The following APPBP2 variants were observed in gnomAD, a reference collection of about 807,000 sequenced individuals.
The protein encoded by APPBP2 is amyloid beta precursor protein binding protein 2.
A neutral mutation model predicts 76.0 loss-of-function variants in APPBP2; 15 were observed. The observed-to-expected ratio is 0.20, with a 90% CI of 0.13 to 0.30. The LOEUF (loss-of-function observed/expected upper bound fraction) is 0.30. Ranked by LOEUF, APPBP2 falls within the 10% of genes least tolerant of loss-of-function variation. APPBP2 has a pLI of 1.00. For synonymous variants in APPBP2, 222 were observed against 242.2 expected, an observed-to-expected ratio of 0.92 and a Z score of 0.77; for missense variants, 401 against 687.2, an observed-to-expected ratio of 0.58 and a Z score of 4.66.
Position 60,466,382 on chromosome 17 carries a change from T to C in APPBP2, c.581A>G (p.Asp194Gly), listed in dbSNP as rs527990986. 3.5e-4 allele frequency: 562 copies of C among 1,614,012 alleles called. 4 individuals carry two copies. The South Asian group carries it at 6.0e-3, about 17-fold the overall frequency. Residue 194 changes from aspartate (D) to glycine (G), a missense_variant, in exon 5 of 13, where the codon GAT (aspartate) becomes GGT (glycine). Coordinates refer to ENST00000083182, the MANE Select transcript of APPBP2 (RefSeq NM_006380.5). The part of the protein sequence containing the change: ...ETFKLAQTYM[D>G]KLSKHGQQAN... ...TTGCTGGCCATGTTTTGATAGTTTA[T>C]CCATATATGTCTGAGCTAATTTAAA...
At chr17:60,486,654 C>T (rs912076366) in intron 3 of APPBP2, among the ~76,000 whole-genome samples, 1 of 152,130 alleles carries the variant, frequency 6.6e-6, no homozygotes, top group African/African-American at 2.4e-5. Flanking sequence ...TCCAGTTTGC[C>T]AGTCTGTGTC....
At chr17:60,521,270 G>T (rs1170948963) in intron 1 of APPBP2, among the ~76,000 whole-genome samples, 1 of 152,134 alleles carries the variant, frequency 6.6e-6, no homozygotes, top group African/African-American at 2.4e-5. Context: ...GAGCCAAAAA[G>T]TTCCTATTGC....
At chr17:60,497,241 G>C (rs2090783460) in intron 2 of APPBP2, among the ~76,000 whole-genome samples, 2 of 152,168 alleles carry the variant, frequency 1.3e-5, no homozygotes, top group African/African-American at 4.8e-5. Flanking sequence ...AAAGAAGCCA[G>C]CCAAGGAAAG....
rs1479260074 is a variant in APPBP2 at position 60,460,764 on chromosome 17, T to C, written c.960A>G (p.Ser320=). The C allele has an allele frequency of 1.9e-6, 3 of 1,613,736 alleles. No individual in the cohort carries two copies. Among genetic ancestry groups the C allele is most frequent in the Non-Finnish European group, 2.5e-6 (3 of 1,179,762 alleles). Reference sequence around the variant, plus strand: ...CGTGGATATTTTTGCCACCAAACACTGACTGTCTAATGTCAAGGGCTGCCT... The same window carrying C: ...CGTGGATATTTTTGCCACCAAACACCGACTGTCTAATGTCAAGGGCTGCCT... ...IYQAALDIRQ[S]VFGGKNIHVA... The change falls in exon 9 of 13, where the codon TCA becomes TCG. Residue 320 remains serine (S), a synonymous_variant. Coordinates refer to ENST00000083182, the MANE Select transcript of APPBP2 (RefSeq NM_006380.5).
In APPBP2 at chr17:60,446,168, G is replaced by T. The variant is rs373683225; in HGVS notation, c.*1413C>A. 2.0e-5 allele frequency: 3 copies of T among 152,500 alleles called. No individual in the cohort carries two copies. Among genetic ancestry groups the T allele is most frequent in the Non-Finnish European group, 2.9e-5 (2 of 68,014 alleles). The allele number at this position is 152,500 out of a possible 1,614,324, so 9.4% of individuals were successfully genotyped here. A position where few individuals can be genotyped will look rare whatever the true frequency, so the allele number is the denominator to read the frequency against. On this transcript the variant is annotated 3_prime_UTR_variant, in exon 13 of 13. Transcript: ENST00000083182. Reference sequence around the variant, plus strand: ...CCAAGTCATGAACCCCTGAAAATAGGGGGGGAACCCAGATTCTTAACTATA... The same window carrying T: ...CCAAGTCATGAACCCCTGAAAATAGTGGGGGAACCCAGATTCTTAACTATA...
intron 3 of APPBP2, among the ~76,000 whole-genome samples, chr17:60,491,087 CAGA>C (rs1482503038): frequency 1.3e-5 from 2 of 152,076 alleles, no homozygotes; most frequent in African/African-American, 2.4e-5. Context: ...TTGGAGGGCT[CAGA>C]AGAAGACAGA....
At chr17:60,490,815 A>C (rs997697524) in intron 3 of APPBP2, among the ~76,000 whole-genome samples, 2 of 152,160 alleles carry the variant, frequency 1.3e-5, no homozygotes, top group African/African-American at 4.8e-5. Flanking sequence ...CATTTGGCTC[A>C]TTCTGTTTTG....
At chr17:60,447,878 T>G in intron 12 of APPBP2, 44 bp from the exon 13 acceptor site, 4 of 1,516,378 alleles carry the variant, frequency 2.6e-6, no homozygotes, top group Non-Finnish European at 3.5e-6. Context: ...GCACAAATAA[T>G]GAGATAACAA....
chr17:60,483,791 T>C (rs995153378), intron 3 of APPBP2, among the ~76,000 whole-genome samples: 2 of 152,228 alleles, frequency 1.3e-5, no homozygotes, highest in Non-Finnish European at 2.9e-5. Context: ...GTTTTAGACA[T>C]GAAGTCCTTG....
At chr17:60,487,916 CCTTT>C (rs1196266919) in intron 3 of APPBP2, among the ~76,000 whole-genome samples, 2 of 152,178 alleles carry the variant, frequency 1.3e-5, no homozygotes, top group Admixed American at 6.6e-5. Flanking sequence ...CGATGCTATT[CCTTT>C]CTGTTTGTTA....
chr17:60,496,865 C>A (rs933545762), intron 2 of APPBP2, among the ~76,000 whole-genome samples: 16 of 152,144 alleles, frequency 1.1e-4, no homozygotes, highest in Admixed American at 9.2e-4. Context: ...GGATTACAGG[C>A]ATGAGCTACC....
chr17:60,507,721 T>C (rs1038096362), intron 1 of APPBP2, among the ~76,000 whole-genome samples: 1 of 152,192 alleles, frequency 6.6e-6, no homozygotes, highest in African/African-American at 2.4e-5. Flanking sequence ...GTTGGTAAAT[T>C]TGATACTTTG....
chr17:60,511,413 C>T (rs1223834052), intron 1 of APPBP2, among the ~76,000 whole-genome samples: 10 of 151,740 alleles, frequency 6.6e-5, no homozygotes, highest in African/African-American at 2.2e-4. Flanking sequence ...GGTGAAACCC[C>T]GTCTCTACTA....
At chr17:60,463,972 A>T in intron 6 of APPBP2, 49 bp downstream of exon 6, 2 of 1,336,310 alleles carry the variant, frequency 1.5e-6, no homozygotes, top group South Asian at 2.6e-5. Context: ...ACAAACTTAA[A>T]GCCTGATAAA....
At chr17:60,523,315 C>A (rs1422768396) in intron 1 of APPBP2, among the ~76,000 whole-genome samples, 1 of 151,718 alleles carries the variant, frequency 6.6e-6, no homozygotes, top group East Asian at 1.9e-4. Context: ...ATATCAAGAC[C>A]TCATCTATAC....
chr17:60,462,156 G>GA (rs962126919), intron 6 of APPBP2, 95 bp from the exon 7 acceptor site: 63 of 933,444 alleles, frequency 6.7e-5, no homozygotes, highest in South Asian at 3.2e-4. Flanking sequence ...GAGTTAATAA[G>GA]AAAAAAAACC....
intron 3 of APPBP2, among the ~76,000 whole-genome samples, chr17:60,482,496 C>T (rs919176970): frequency 1.2e-4 from 18 of 152,172 alleles, no homozygotes; most frequent in Admixed American, 1.0e-3. Context: ...ATGTGCACAA[C>T]GTGCAGGTTA....
chr17:60,518,376 T>C (rs996792695), intron 1 of APPBP2, among the ~76,000 whole-genome samples: 5 of 132,698 alleles, frequency 3.8e-5, no homozygotes, highest in African/African-American at 1.1e-4. Context: ...TGTGTGTGTG[T>C]GTGTGTGTGT....
chr17:60,494,984 GT>G (rs60043373), intron 2 of APPBP2, among the ~76,000 whole-genome samples: 90 of 107,030 alleles, frequency 8.4e-4, no homozygotes, highest in South Asian at 1.7e-3. Context: ...GTTTTGTTTT[GT>G]TTTTTTTTTT....
Sources: allele counts gnomAD v4.1 joint callset (sites outside exome capture counted in the v4.1 genomes callset), GRCh38; gene constraint gnomAD v4.1.1; transcripts MANE v1.5; gene names NCBI Gene and HGNC (gene_info 2026-07-23, HGNC 2026-07-21).